ADAMTSL1: variants seen among roughly 807,000 people sequenced by gnomAD.
ADAMTSL1 encodes the protein ADAMTS-like protein 1.
A neutral mutation model predicts 201.8 loss-of-function variants in ADAMTSL1; 126 were observed. That is an observed-to-expected ratio of 0.62 (90% CI 0.54 to 0.72). ADAMTSL1 has a LOEUF of 0.72. Ranked by LOEUF, ADAMTSL1 falls within the 30% of genes least tolerant of loss-of-function variation. The pLI, the probability that ADAMTSL1 is intolerant of heterozygous loss-of-function variation, is 0.00. For synonymous variants in ADAMTSL1, 1,121 were observed against 903.4 expected, an observed-to-expected ratio of 1.24 and a Z score of -4.32; for missense variants, 2,679 against 2,277.8, an observed-to-expected ratio of 1.18 and a Z score of -3.59.
At chr9:18,590,403 A>AT (rs920671338) in intron 4 of ADAMTSL1, among the ~76,000 whole-genome samples, 7 of 151,226 alleles carry the variant, frequency 4.6e-5, no homozygotes, top group Non-Finnish European at 5.9e-5. Context: ...AGTCTTCTCT[A>AT]TTTTTTTCTT....
At chr9:18,797,197 G>A (rs890814549) in intron 20 of ADAMTSL1, among the ~76,000 whole-genome samples, 5 of 152,194 alleles carry the variant, frequency 3.3e-5, no homozygotes, top group African/African-American at 1.2e-4. Context: ...ACCACACCCA[G>A]GGCATAGGGA....
At chr9:18,358,071 G>C (rs1836334591) in intron 2 of ADAMTSL1, among the ~76,000 whole-genome samples, 1 of 152,184 alleles carries the variant, frequency 6.6e-6, no homozygotes, top group African/African-American at 2.4e-5. Context: ...AATCCTGGCT[G>C]TTCCGGTGAC....
At chr9:18,180,558 C>T (rs1292276085) in intron 2 of ADAMTSL1, among the ~76,000 whole-genome samples, 1 of 137,514 alleles carries the variant, frequency 7.3e-6, no homozygotes, top group Non-Finnish European at 1.6e-5. Flanking sequence ...AAAAAAAATA[C>T]CTAAGAATCC....
chr9:18,522,968 G>T (rs1818795180), intron 2 of ADAMTSL1, among the ~76,000 whole-genome samples: 2 of 152,138 alleles, frequency 1.3e-5, no homozygotes, highest in South Asian at 4.1e-4. Flanking sequence ...TAATGGGATG[G>T]CTGGGTCAAA....
intron 4 of ADAMTSL1, among the ~76,000 whole-genome samples, chr9:18,619,332 T>C (rs1825884021): frequency 6.6e-6 from 1 of 152,080 alleles, no homozygotes; most frequent in Admixed American, 6.6e-5. Flanking sequence ...TTATCTGATA[T>C]AAAGTATTCC....
At chr9:18,515,213 T>C (rs1818291597) in intron 2 of ADAMTSL1, among the ~76,000 whole-genome samples, 1 of 152,174 alleles carries the variant, frequency 6.6e-6, no homozygotes, top group Admixed American at 6.5e-5. Context: ...CAAATGATTT[T>C]AGTGTGTATC....
At chr9:18,572,867 A>T (rs1322226552) in intron 3 of ADAMTSL1, among the ~76,000 whole-genome samples, 1 of 152,206 alleles carries the variant, frequency 6.6e-6, no homozygotes, top group Non-Finnish European at 1.5e-5. Flanking sequence ...TAAAACAAAA[A>T]ATTAGAATAA....
intron 16 of ADAMTSL1, among the ~76,000 whole-genome samples, chr9:18,753,992 G>C (rs1819606535): frequency 6.6e-6 from 1 of 152,018 alleles, no homozygotes; most frequent in South Asian, 2.1e-4. Context: ...TATTTTCCTG[G>C]TCCTGTGAAT....
intron 1 of ADAMTSL1, among the ~76,000 whole-genome samples, chr9:17,907,702 A>G (rs1363074368): frequency 1.3e-5 from 2 of 152,154 alleles, no homozygotes; most frequent in African/African-American, 4.8e-5. Flanking sequence ...GTTTATTATC[A>G]CAAGACTTGG....
chr9:18,871,493 A>G (rs976450277), intron 23 of ADAMTSL1, among the ~76,000 whole-genome samples: 2 of 152,136 alleles, frequency 1.3e-5, no homozygotes, highest in Non-Finnish European at 1.5e-5. Context: ...TATTTTGTCC[A>G]CACATACCTA....
intron 13 of ADAMTSL1, among the ~76,000 whole-genome samples, chr9:18,692,968 AC>A (rs569501916): frequency 1.8e-3 from 280 of 152,344 alleles, no homozygotes; most frequent in Non-Finnish European, 2.5e-3. Context: ...TCATATCCTC[AC>A]TTTTCATTTC....
chr9:18,228,116 A>C (rs951224623), intron 2 of ADAMTSL1, among the ~76,000 whole-genome samples: 2 of 152,164 alleles, frequency 1.3e-5, no homozygotes, highest in South Asian at 2.1e-4. Context: ...ATGCATGCAA[A>C]ATTTATTTAC....
intron 13 of ADAMTSL1, among the ~76,000 whole-genome samples, chr9:18,689,127 T>C (rs944719): frequency 0.27 from 41,200 of 151,868 alleles, 5,702 homozygotes; most frequent in Admixed American, 0.35. Context: ...TGGTGGGGAA[T>C]TGGAACTACA....
intron 3 of ADAMTSL1, among the ~76,000 whole-genome samples, chr9:18,549,447 C>G (rs527445176): frequency 7.9e-5 from 12 of 151,960 alleles, no homozygotes; most frequent in Non-Finnish European, 1.5e-4. Context: ...CATGGACTTT[C>G]ACTAACATAA....
At chr9:18,197,626 C>G (rs539335219) in intron 2 of ADAMTSL1, among the ~76,000 whole-genome samples, 1 of 148,224 alleles carries the variant, frequency 6.7e-6, no homozygotes, top group Non-Finnish European at 1.5e-5. Flanking sequence ...CGTCTGCAAA[C>G]AGGGACAATT....
At chr9:18,344,955 C>T (rs1419735923) in intron 2 of ADAMTSL1, among the ~76,000 whole-genome samples, 4 of 152,172 alleles carry the variant, frequency 2.6e-5, no homozygotes, top group Admixed American at 6.5e-5. Context: ...CCTCTTTTGA[C>T]AGCCCTGTGG....
intron 18 of ADAMTSL1, 135 bp from the exon 19 acceptor site, chr9:18,776,646 C>A (rs1367043271): frequency 1.9e-6 from 2 of 1,053,486 alleles, no homozygotes; most frequent in East Asian, 2.7e-5. Flanking sequence ...CTCTCCCGTC[C>A]TCCGGCACCT....
chr9:18,311,079 T>G (rs1037361864), intron 2 of ADAMTSL1, among the ~76,000 whole-genome samples: 1 of 150,852 alleles, frequency 6.6e-6, no homozygotes, highest in African/African-American at 2.5e-5. Flanking sequence ...CTGGAAACCA[T>G]CATTCTCAGC....
Position 18,826,308 on chromosome 9 carries a change from G to C in ADAMTSL1, c.3959G>C (p.Trp1320Ser). The C allele has an allele frequency of 6.2e-7, 1 of 1,612,552 alleles. No individual in the cohort carries two copies. The highest frequency in any genetic ancestry group is 8.5e-7 in the Non-Finnish European group (1 of 1,179,444). Residue 1320 changes from tryptophan (W) to serine (S), a missense_variant, in exon 22 of 29, where the codon TGG (tryptophan) becomes TCG (serine). Physicochemically the swap from Trp to Ser is radical, Grantham distance 177 (BLOSUM62 -3). Transcript: ENST00000380548. ...VAGVPEAEVT[W>S]FRNKSKLGSP... is the part of the protein sequence containing the mutation. ...GGAGTGCCTGAAGCTGAAGTCACTT[G>C]GTTCAGGAATAAAAGCAAACTGGGC...
Sources: allele counts gnomAD v4.1 joint callset (sites outside exome capture counted in the v4.1 genomes callset), GRCh38; gene constraint gnomAD v4.1.1; transcripts MANE v1.5; gene names NCBI Gene and HGNC (gene_info 2026-07-23, HGNC 2026-07-21).